The following HIVEP2 variants were observed in gnomAD, a reference collection of about 807,000 sequenced individuals.
The protein encoded by HIVEP2 is transcription factor HIVEP2.
Under a neutral mutation model 180.7 loss-of-function variants are expected in HIVEP2, and 14 were observed. That is an observed-to-expected ratio of 0.08 (90% CI 0.05 to 0.12). HIVEP2 has a LOEUF of 0.12. Ranked by LOEUF, HIVEP2 falls within the 10% of genes least tolerant of loss-of-function variation. The pLI, the probability that HIVEP2 is intolerant of heterozygous loss-of-function variation, is 1.00. For missense variants in HIVEP2, 2,579 were observed against 3,008.5 expected (o/e 0.86, Z 3.34); for synonymous variants, 1,184 against 1,136.4 (o/e 1.04, Z -0.84).
At chr6:142,905,448 C>T (rs1187494086) in intron 1 of HIVEP2, among the ~76,000 whole-genome samples, 1 of 152,128 alleles carries the variant, frequency 6.6e-6, no homozygotes, top group Non-Finnish European at 1.5e-5. Context: ...TAAAAATGTA[C>T]TATTACTTAC....
intron 2 of HIVEP2, among the ~76,000 whole-genome samples, chr6:142,793,697 CTG>C (rs1363189006): frequency 6.5e-4 from 72 of 109,968 alleles, no homozygotes; most frequent in African/African-American, 2.2e-3. Context: ...CTCTCTCTCT[CTG>C]TCTGTCTTTC....
chr6:142,862,375 A>C (rs904171647), intron 1 of HIVEP2, among the ~76,000 whole-genome samples: 2 of 150,072 alleles, frequency 1.3e-5, no homozygotes, highest in African/African-American at 4.9e-5. Context: ...TAATACATAT[A>C]ATCGATTACA....
At chr6:142,929,503 A>C (rs1040878122) in intron 1 of HIVEP2, among the ~76,000 whole-genome samples, 2 of 152,196 alleles carry the variant, frequency 1.3e-5, no homozygotes, top group Non-Finnish European at 2.9e-5. Flanking sequence ...TGCTATTTTC[A>C]AATGCACCTC....
At chr6:142,864,499 A>G (rs769679962) in intron 1 of HIVEP2, among the ~76,000 whole-genome samples, 48 of 152,336 alleles carry the variant, frequency 3.2e-4, no homozygotes, top group Middle Eastern at 3.4e-3. Flanking sequence ...TTAGCGAAAA[A>G]TAATAAATAT....
chr6:142,882,174 A>C (rs1776587839), intron 1 of HIVEP2, among the ~76,000 whole-genome samples: 1 of 152,224 alleles, frequency 6.6e-6, no homozygotes, highest in Non-Finnish European at 1.5e-5. Flanking sequence ...TATAAAGCCC[A>C]TCCATTTATT....
In HIVEP2 at chr6:142,771,756, G is replaced by A; in HGVS notation, c.2983C>T (p.Pro995Ser). 6.2e-7 allele frequency: 1 copy of A among 1,614,200 alleles called. No individual in the cohort carries two copies. Among genetic ancestry groups the A allele is most frequent in the Non-Finnish European group, 8.5e-7 (1 of 1,180,048 alleles). The change falls in exon 5 of 10, where the codon CCT becomes TCT. Residue 995 changes from proline to serine, a missense_variant. By Grantham distance (74) the Pro-to-Ser change is moderately conservative (BLOSUM62 -1). Coordinates refer to ENST00000367603, the MANE Select transcript of HIVEP2 (RefSeq NM_006734.4). The surrounding 1 kb of genome is among the most constrained non-coding windows in gnomAD (Gnocchi z 5.4). The stretch of plus-strand genomic sequence containing the variant: ...TGCTTCCCAAACTCATCCTGCTTAG[G>A]AAGTGCAGAAAGCTTACTGGTTTCT... ...REETSKLSAL[P>S]KQDEFGKHSE...
intron 2 of HIVEP2, among the ~76,000 whole-genome samples, chr6:142,805,922 A>G (rs1190290127): frequency 6.6e-6 from 1 of 152,194 alleles, no homozygotes; most frequent in African/African-American, 2.4e-5. Flanking sequence ...GGAATCAGAC[A>G]TCATCTCCGT....
chr6:142,823,856 C>CA (rs1473128748), intron 2 of HIVEP2, among the ~76,000 whole-genome samples: 2 of 151,938 alleles, frequency 1.3e-5, no homozygotes, highest in African/African-American at 4.8e-5. Flanking sequence ...AATTCAATTT[C>CA]AAAAAAATAT....
At chr6:142,764,345 A>G (rs1775328842) in intron 7 of HIVEP2, among the ~76,000 whole-genome samples, 1 of 152,250 alleles carries the variant, frequency 6.6e-6, no homozygotes, top group Admixed American at 6.5e-5. Context: ...AATTAATGCA[A>G]CTGTGGATGA....
At chr6:142,830,571 A>G (rs539206822) in intron 2 of HIVEP2, among the ~76,000 whole-genome samples, 66 of 152,340 alleles carry the variant, frequency 4.3e-4, no homozygotes, top group African/African-American at 1.5e-3. Context: ...AGGAGCTGAA[A>G]AAAAACAGCA....
chr6:142,832,887 A>G lies in HIVEP2; in HGVS notation c.-528+4048T>C, dbSNP rs190345351. Among the ~76,000 whole-genome samples, 32 of 152,370 alleles carry G rather than the reference A, an allele frequency of 2.1e-4. 1 individual carries two copies. In the East Asian group the frequency reaches 6.0e-3, roughly 28 times the overall value. On this transcript the variant is annotated intron_variant, in intron 2 of 9. Coordinates refer to ENST00000367603, the MANE Select transcript of HIVEP2 (RefSeq NM_006734.4). ...GAGGTCTGGAAAATTTACAGTCCAC[A>G]TCTTTCTACAGCATTTTATTCCTTG...
chr6:142,782,608 T>C (rs197504), intron 3 of HIVEP2, among the ~76,000 whole-genome samples: 2,009 of 152,294 alleles, frequency 0.013, 10 homozygotes, highest in Non-Finnish European at 0.022. Flanking sequence ...GAGCAAGTTG[T>C]CTATATGGAG....
At chr6:142,907,305 T>C (rs1036590108) in intron 1 of HIVEP2, among the ~76,000 whole-genome samples, 3 of 152,310 alleles carry the variant, frequency 2.0e-5, no homozygotes, top group East Asian at 1.9e-4. Flanking sequence ...TACAACCACC[T>C]GACGAAAACC....
chr6:142,925,210 G>T (rs1349142376), intron 1 of HIVEP2, among the ~76,000 whole-genome samples: 1 of 152,178 alleles, frequency 6.6e-6, no homozygotes, highest in African/African-American at 2.4e-5. Flanking sequence ...AATATTTTTA[G>T]AAAGTAATCT....
At chr6:142,815,540 T>G (rs1776811478) in intron 2 of HIVEP2, among the ~76,000 whole-genome samples, 1 of 152,146 alleles carries the variant, frequency 6.6e-6, no homozygotes, top group South Asian at 2.1e-4. Context: ...CAGATTCCAT[T>G]AAAACAAAAG....
chr6:142,756,204 T>G (rs1485192901), intron 9 of HIVEP2, among the ~76,000 whole-genome samples: 1 of 152,096 alleles, frequency 6.6e-6, no homozygotes, highest in Non-Finnish European at 1.5e-5. Context: ...TCTTCAACAG[T>G]ATGGCAGTAG....
At chr6:142,879,494 C>G (rs1238734926) in intron 1 of HIVEP2, among the ~76,000 whole-genome samples, 2 of 152,170 alleles carry the variant, frequency 1.3e-5, no homozygotes, top group African/African-American at 4.8e-5. Context: ...CCTCCACTAG[C>G]ACTGCAAATT....
intron 5 of HIVEP2, 81 bp downstream of exon 5, chr6:142,769,471 A>T: frequency 1.7e-6 from 2 of 1,187,086 alleles, no homozygotes; most frequent in African/African-American, 1.5e-5. Context: ...TTTTTTTTTT[A>T]GGCCTTATAT....
chr6:142,776,521 T>TA (rs1270698999), intron 3 of HIVEP2, among the ~76,000 whole-genome samples: 1 of 137,822 alleles, frequency 7.3e-6, no homozygotes, highest in Non-Finnish European at 1.6e-5. Context: ...AAAGTTGAGA[T>TA]ACAGGCGTTT....
Sources: gnomAD v4.1 joint callset for allele counts (sites outside exome capture counted in the v4.1 genomes callset) on GRCh38, gnomAD v4.1.1 for gene constraint, Gnocchi (gnomAD v3.1) non-coding constraint, MANE v1.5 for transcripts, NCBI Gene and HGNC (gene_info 2026-07-23, HGNC 2026-07-21) for gene names.